FLYWCH2: variants seen among roughly 807,000 people sequenced by gnomAD.
FLYWCH2 encodes FLYWCH family member 2.
A neutral mutation model predicts 6.0 loss-of-function variants in FLYWCH2; 2 were observed. The observed-to-expected ratio is 0.33, with a 90% CI of 0.14 to 1.04. FLYWCH2 has a LOEUF of 1.04. Among genes scored for constraint, FLYWCH2 ranks in the 50% least tolerant of loss-of-function variants. FLYWCH2 has a pLI of 0.45. For missense variants in FLYWCH2, 192 were observed against 183.4 expected (o/e 1.05, Z -0.27); for synonymous variants, 87 against 79.3 (o/e 1.10, Z -0.52).
At chr16:2,885,302 G>C (rs185047482) in intron 1 of FLYWCH2, among the ~76,000 whole-genome samples, 1 of 151,934 alleles carries the variant, frequency 6.6e-6, no homozygotes, top group African/African-American at 2.4e-5. Flanking sequence ...GGGCGACAGA[G>C]CGAGACTCCG....
intron 1 of FLYWCH2, among the ~76,000 whole-genome samples, chr16:2,890,973 C>T (rs1441456446): frequency 1.3e-5 from 2 of 152,180 alleles, no homozygotes; most frequent in Non-Finnish European, 2.9e-5. Context: ...GTTTAGAATT[C>T]CTCTTAAGGA....
chr16:2,896,700 AC>A lies in FLYWCH2; in HGVS notation c.255del (p.Glu86ArgfsTer32). ...CTTGCCAAGGCCCTCCTCCAGACCC[AC>A]CCCGAGGCCCAGCGGGCCATTGAGG... ...ATLAKALLQT[H>X]PEAQRAIEAA... On this transcript the variant is annotated frameshift_variant, in exon 3 of 4. Transcript: ENST00000396958. LOFTEE classifies it high-confidence loss of function. 2 of 1,612,288 alleles carry A rather than the reference AC, an allele frequency of 1.2e-6. No homozygotes were observed. Among genetic ancestry groups the A allele is most frequent in the Non-Finnish European group, 8.5e-7 (1 of 1,179,760 alleles).
At chr16:2,884,748 C>A (rs1011093824) in intron 1 of FLYWCH2, among the ~76,000 whole-genome samples, 7 of 151,620 alleles carry the variant, frequency 4.6e-5, no homozygotes, top group African/African-American at 1.7e-4. Flanking sequence ...GTGGTGCACG[C>A]TTGTAATCCC....
At chr16:2,896,857 C>T (rs777896756) in intron 3 of FLYWCH2, 86 bp downstream of exon 3, 6 of 1,263,590 alleles carry the variant, frequency 4.7e-6, no homozygotes, top group African/African-American at 1.5e-5. Context: ...AGGCGCTTCT[C>T]CCTGGCATGC....
At chr16:2,888,030 G>T (rs1469468414) in intron 1 of FLYWCH2, among the ~76,000 whole-genome samples, 1 of 139,620 alleles carries the variant, frequency 7.2e-6, no homozygotes, top group African/African-American at 2.6e-5. Context: ...TTTTTAAGAG[G>T]TGGAGTCTCG....
rs545946886 is a variant in FLYWCH2, at chr16:2,899,181, C to A, written c.*32C>A. On this transcript the variant is annotated 3_prime_UTR_variant, in exon 4 of 4. Coordinates refer to ENST00000396958, the MANE Select transcript of FLYWCH2 (RefSeq NM_138439.3). Reference sequence around the variant, plus strand: ...CAACAGGCGCATCCTCCCAGGCCACCAACCCAGCCATAGGCTCTTCTCTGT... The same window carrying A: ...CAACAGGCGCATCCTCCCAGGCCACAAACCCAGCCATAGGCTCTTCTCTGT... 6.4e-7 allele frequency: 1 copy of A among 1,552,776 alleles called. No individual in the cohort carries two copies. The highest frequency in any genetic ancestry group is 8.8e-7 in the Non-Finnish European group (1 of 1,132,660).
chr16:2,883,659 AC>A (rs1358169267), intron 1 of FLYWCH2, among the ~76,000 whole-genome samples: 1 of 151,380 alleles, frequency 6.6e-6, no homozygotes, highest in Middle Eastern at 3.4e-3. Context: ...CCTTCCCGGC[AC>A]CCCCCAACCC....
intron 1 of FLYWCH2, among the ~76,000 whole-genome samples, chr16:2,884,068 T>C (rs894704765): frequency 6.6e-6 from 1 of 152,120 alleles, no homozygotes; most frequent in South Asian, 2.1e-4. Flanking sequence ...CCTGTCGGGG[T>C]CAATAACAGC....
At chr16:2,891,607 G>C (rs931441120) in intron 1 of FLYWCH2, among the ~76,000 whole-genome samples, 1 of 151,992 alleles carries the variant, frequency 6.6e-6, no homozygotes, top group Non-Finnish European at 1.5e-5. Context: ...GGGTTTCACC[G>C]TGTTAGCCAG....
chr16:2,889,607 A>C (rs767014917), intron 1 of FLYWCH2, among the ~76,000 whole-genome samples: 2 of 151,936 alleles, frequency 1.3e-5, no homozygotes, highest in African/African-American at 2.4e-5. Context: ...GTTTTCTGTG[A>C]TAAAATAGTT....
chr16:2,892,964 G>T (rs141413655), intron 1 of FLYWCH2, among the ~76,000 whole-genome samples: 6 of 137,576 alleles, frequency 4.4e-5, no homozygotes, highest in Non-Finnish European at 6.3e-5. Context: ...GTCATATATC[G>T]TATATAATAT....
At chr16:2,894,652 G>A (rs1394647217) in intron 1 of FLYWCH2, among the ~76,000 whole-genome samples, 1 of 152,234 alleles carries the variant, frequency 6.6e-6, no homozygotes, top group Non-Finnish European at 1.5e-5. Flanking sequence ...GCGGTACTCT[G>A]CAGTCATGTG....
intron 1 of FLYWCH2, among the ~76,000 whole-genome samples, chr16:2,891,979 G>A (rs1023959640): frequency 1.3e-5 from 2 of 150,956 alleles, no homozygotes; most frequent in African/African-American, 2.4e-5. Context: ...ATCACTTGAG[G>A]TTGGGAGTTC....
At chr16:2,899,373 G>T (rs2069859875), downstream of FLYWCH2, 1 of 419,534 alleles carries the variant, frequency 2.4e-6, no homozygotes, top group South Asian at 3.5e-5. Flanking sequence ...TAATGGGCAG[G>T]TTTTAAACAT....
At chr16:2,894,473 G>A (rs552965292) in intron 1 of FLYWCH2, among the ~76,000 whole-genome samples, 4 of 152,166 alleles carry the variant, frequency 2.6e-5, no homozygotes, top group African/African-American at 7.2e-5. Context: ...GAAGCAGGGC[G>A]CTATGTGGTT....
intron 1 of FLYWCH2, among the ~76,000 whole-genome samples, chr16:2,890,408 CCTGA>C (rs1428586277): frequency 3.5e-5 from 5 of 144,388 alleles, no homozygotes; most frequent in African/African-American, 7.6e-5. Context: ...CAGCACCATG[CCTGA>C]CTAATTTTTT....
At position 2,896,351 on chromosome 16, in the gene FLYWCH2, G is replaced by C; in HGVS notation, c.-98-1G>C. ...TGACGGGATTTTGCTTCCTTCCTTA[G>C]GACGGAACCGCTGGACTCCAGGTTC... On this transcript the variant is annotated splice_acceptor_variant, in intron 2 of 3. Transcript: ENST00000396958. LOFTEE classifies it low-confidence loss of function (5UTR_SPLICE). The C allele has an allele frequency of 2.8e-6, 4 of 1,432,700 alleles. No homozygotes were observed. Among genetic ancestry groups the C allele is most frequent in the Non-Finnish European group, 3.7e-6 (4 of 1,086,112 alleles). 88.7% of individuals were successfully genotyped at this position (1,432,700 alleles called of 1,614,324 possible). A position where few individuals can be genotyped will look rare whatever the true frequency, so the allele number is the denominator to read the frequency against.
intron 1 of FLYWCH2, among the ~76,000 whole-genome samples, chr16:2,891,413 A>T (rs983815328): frequency 6.6e-6 from 1 of 150,524 alleles, no homozygotes; most frequent in Non-Finnish European, 1.5e-5. Flanking sequence ...TATTTTATTT[A>T]TTTTTTTTTG....
intron 3 of FLYWCH2, among the ~76,000 whole-genome samples, chr16:2,897,912 C>T (rs890144315): frequency 8.0e-6 from 1 of 125,244 alleles, no homozygotes; most frequent in African/African-American, 3.1e-5. Context: ...CTCTGCCGTG[C>T]CCTGAGAAGA....
Sources: gnomAD v4.1 joint callset for allele counts (sites outside exome capture counted in the v4.1 genomes callset) on GRCh38, gnomAD v4.1.1 for gene constraint, MANE v1.5 for transcripts, NCBI Gene and HGNC (gene_info 2026-07-23, HGNC 2026-07-21) for gene names.